The following GALNT7 variants were observed in gnomAD, a reference collection of about 807,000 sequenced individuals.
The protein encoded by GALNT7 is N-acetylgalactosaminyltransferase 7.
Under a neutral mutation model 82.1 loss-of-function variants are expected in GALNT7, and 60 were observed. The ratio of observed to expected loss-of-function variants is 0.73; its 90% CI spans 0.59 to 0.91. The LOEUF is 0.91. Among genes scored for constraint, GALNT7 ranks in the 40% least tolerant of loss-of-function variants. The probability of loss-of-function intolerance (pLI) is 0.00; values close to 1 mark genes in which losing one functional copy is unlikely to be tolerated. For synonymous variants in GALNT7, 243 were observed against 275.1 expected, an observed-to-expected ratio of 0.88 and a Z score of 1.15; for missense variants, 660 against 804.2, an observed-to-expected ratio of 0.82 and a Z score of 2.17.
At chr4:173,196,479 C>T (rs1732782159) in intron 1 of GALNT7, among the ~76,000 whole-genome samples, 1 of 152,058 alleles carries the variant, frequency 6.6e-6, no homozygotes, top group Non-Finnish European at 1.5e-5. Flanking sequence ...TCTATAAGAC[C>T]TTCTAAAAAG....
chr4:173,312,598 G>A (rs1211755479), intron 8 of GALNT7, among the ~76,000 whole-genome samples: 2 of 152,220 alleles, frequency 1.3e-5, no homozygotes, highest in Non-Finnish European at 2.9e-5. Context: ...CAACATGAAT[G>A]TTGGCAGAGA....
chr4:173,295,359 C>T lies in GALNT7; in HGVS notation c.755-37C>T, dbSNP rs776561627. On this transcript the variant is annotated intron_variant, in intron 3 of 11. Transcript: ENST00000265000. ...AAATAATAACTAATTGGTTTCTATT[C>T]GTCTAATTTATAATATCGATTGATT... The T allele has an allele frequency of 1.9e-5, 26 of 1,375,822 alleles. 1 individual carries two copies. The highest frequency in any genetic ancestry group is 7.2e-5 in the African/African-American group (5 of 69,702). 85.2% of individuals were successfully genotyped at this position (1,375,822 alleles called of 1,614,324 possible). A position where few individuals can be genotyped will look rare whatever the true frequency, so the allele number is the denominator to read the frequency against.
chr4:173,179,813 A>G (rs931381195), intron 1 of GALNT7, among the ~76,000 whole-genome samples: 10 of 152,230 alleles, frequency 6.6e-5, no homozygotes, highest in Admixed American at 5.2e-4. Context: ...ACAAAAGAAC[A>G]GTAAGGTACA....
intron 2 of GALNT7, among the ~76,000 whole-genome samples, chr4:173,251,089 G>A (rs762002864): frequency 6.6e-6 from 1 of 152,148 alleles, no homozygotes; most frequent in Non-Finnish European, 1.5e-5. Context: ...CTAAGAGCAA[G>A]AACTATGCCT....
intron 2 of GALNT7, among the ~76,000 whole-genome samples, chr4:173,266,926 T>TGG (rs1554025953): frequency 6.6e-5 from 8 of 120,916 alleles, no homozygotes; most frequent in African/African-American, 2.5e-4. Flanking sequence ...TGTGTGTGTG[T>TGG]GGAGGGCTGG....
At chr4:173,237,914 A>T (rs1734289626) in intron 1 of GALNT7, among the ~76,000 whole-genome samples, 1 of 152,188 alleles carries the variant, frequency 6.6e-6, no homozygotes, top group Admixed American at 6.5e-5. Context: ...AGTTCACTCC[A>T]AAACATTATG....
intron 2 of GALNT7, among the ~76,000 whole-genome samples, chr4:173,277,355 G>C (rs562363519): frequency 6.6e-6 from 1 of 152,202 alleles, no homozygotes; most frequent in Non-Finnish European, 1.5e-5. Context: ...GTCTTTCTCA[G>C]AGTTCATGAA....
At chr4:173,202,815 C>G (rs1732981291) in intron 1 of GALNT7, among the ~76,000 whole-genome samples, 1 of 152,180 alleles carries the variant, frequency 6.6e-6, no homozygotes, top group Non-Finnish European at 1.5e-5. Context: ...CCCTTCACAT[C>G]TATTAATATT....
At position 173,321,871 on chromosome 4, in the gene GALNT7, A is replaced by AT. The variant is rs113077097; in HGVS notation, c.*158dup. On this transcript the variant is annotated 3_prime_UTR_variant, in exon 12 of 12. Transcript: ENST00000265000. ...GTTTGAAGGACATTGATAAACTGTGATTTTACAATAACATTATCATCTGCA... is the reference window on the plus strand; with the variant it reads ...GTTTGAAGGACATTGATAAACTGTGATTTTTACAATAACATTATCATCTGCA... 0.018 allele frequency: 10,101 copies of AT among 556,794 alleles called. 296 individuals are homozygous for AT. Among genetic ancestry groups the AT allele is most frequent in the African/African-American group, 0.096 (5,094 of 53,190 alleles). 34.5% of individuals were successfully genotyped at this position (556,794 alleles called of 1,614,324 possible). A position where few individuals can be genotyped will look rare whatever the true frequency, so the allele number is the denominator to read the frequency against.
At chr4:173,283,410 C>A (rs1338934273) in intron 2 of GALNT7, among the ~76,000 whole-genome samples, 1 of 152,070 alleles carries the variant, frequency 6.6e-6, no homozygotes, top group Non-Finnish European at 1.5e-5. Context: ...GAGCCCAAGA[C>A]AGGCAGATCA....
intron 2 of GALNT7, among the ~76,000 whole-genome samples, chr4:173,286,909 T>C (rs754839497): frequency 1.3e-5 from 2 of 152,128 alleles, no homozygotes; most frequent in African/African-American, 2.4e-5. Flanking sequence ...AGAGCCAAGC[T>C]TTAGATTTTC....
chr4:173,323,094 A>G lies in GALNT7; in HGVS notation c.*1377A>G, dbSNP rs1184813038. The stretch of plus-strand genomic sequence containing the variant: ...TTAATTTCTCAAAAGATACTCTGTT[A>G]TCCAGAAGATTAAAATGCCTACATT... On this transcript the variant is annotated 3_prime_UTR_variant, in exon 12 of 12. Coordinates refer to ENST00000265000, the MANE Select transcript of GALNT7 (RefSeq NM_017423.3). 3 of 152,300 alleles carry G rather than the reference A, an allele frequency of 2.0e-5. No individual in the cohort carries two copies. The highest frequency in any genetic ancestry group is 7.2e-5 in the African/African-American group (3 of 41,452). The allele number at this position is 152,300 out of a possible 1,614,324, so 9.4% of individuals were successfully genotyped here. A position where few individuals can be genotyped will look rare whatever the true frequency, so the allele number is the denominator to read the frequency against.
At position 173,321,659 on chromosome 4, in the gene GALNT7, A is replaced by G; in HGVS notation, c.1916A>G (p.Asn639Ser). Residue 639 changes from asparagine to serine, a missense_variant, in exon 12 of 12, where the codon AAT becomes AGT. Physicochemically the swap from Asn to Ser is conservative, Grantham distance 46. Around this residue, in one of 2 missense-constraint regions of GALNT7, gnomAD observed 527 missense variants for 683.5 expected, o/e 0.77. Transcript: ENST00000265000. ...GTCCTGCATCAAGTATTCATCTCCA[A>G]TTGTGACTCCAGTAAAACGACTCAA... The part of the protein sequence containing the change: ...SEVLHQVFIS[N>S]CDSSKTTQKW... 2.5e-6 allele frequency: 4 copies of G among 1,604,928 alleles called. No individual in the cohort carries two copies. Among genetic ancestry groups the G allele is most frequent in the Non-Finnish European group, 3.4e-6 (4 of 1,171,760 alleles).
At chr4:173,174,848 G>C (rs535297344) in intron 1 of GALNT7, among the ~76,000 whole-genome samples, 61 of 152,360 alleles carry the variant, frequency 4.0e-4, no homozygotes, top group African/African-American at 1.5e-3. Context: ...CTAGTAAAGA[G>C]AGAATGAAAA....
intron 1 of GALNT7, among the ~76,000 whole-genome samples, chr4:173,220,770 C>G (rs768226472): frequency 6.6e-6 from 1 of 151,322 alleles, no homozygotes; most frequent in South Asian, 2.1e-4. Flanking sequence ...CTTGTTCTTG[C>G]GATGGTTTAC....
chr4:173,243,953 GTATT>G (rs1196119820), intron 1 of GALNT7, among the ~76,000 whole-genome samples: 2 of 152,132 alleles, frequency 1.3e-5, no homozygotes. Context: ...TATTCAGTGA[GTATT>G]TATTGAGGAA....
chr4:173,203,103 G>GT (rs1391145620), intron 1 of GALNT7, among the ~76,000 whole-genome samples: 177 of 146,052 alleles, frequency 1.2e-3, no homozygotes, highest in Middle Eastern at 3.6e-3. Flanking sequence ...GTTAGGTCTT[G>GT]TTTTTTTTTT....
chr4:173,291,013 G>C (rs1021941042), intron 2 of GALNT7, among the ~76,000 whole-genome samples: 2 of 151,896 alleles, frequency 1.3e-5, no homozygotes, highest in African/African-American at 2.4e-5. Flanking sequence ...TTCTAATTCC[G>C]TCCTGTCTCC....
rs576219962 is a variant in GALNT7 at position 173,218,983 on chromosome 4, A to T, written c.127-28997A>T. 1.7e-3 allele frequency among the ~76,000 whole-genome samples: 256 copies of T among 149,248 alleles called. 1 individual carries two copies. The highest frequency in any genetic ancestry group is 5.6e-3 in the African/African-American group (224 of 40,290). On this transcript the variant is annotated intron_variant, in intron 1 of 11. Coordinates refer to ENST00000265000, the MANE Select transcript of GALNT7 (RefSeq NM_017423.3). ...AGTTGTTTTCTTTTTTCTTAAAAAA[A>T]TTTTTTTTTTCAACAGGTTTTTGGG...
Sources: gnomAD v4.1 joint callset for allele counts (sites outside exome capture counted in the v4.1 genomes callset) on GRCh38, gnomAD v4.1.1 for gene constraint, gnomAD v4.1.1 regional missense constraint, MANE v1.5 for transcripts, NCBI Gene and HGNC (gene_info 2026-07-23, HGNC 2026-07-21) for gene names.